HTR1F: variants seen among roughly 807,000 people sequenced by gnomAD.
The protein encoded by HTR1F is 5-hydroxytryptamine (serotonin) receptor 1F, G protein-coupled.
HTR1F carries 17 observed loss-of-function variants against 24.0 expected under a neutral mutation model. The ratio of observed to expected loss-of-function variants is 0.71; its 90% CI spans 0.48 to 1.06. The LOEUF is 1.06. Among genes scored for constraint, HTR1F ranks in the 50% least tolerant of loss-of-function variants. The pLI is 0.00. For synonymous variants in HTR1F, 186 were observed against 156.8 expected (o/e 1.19, Z -1.39); for missense variants, 391 against 427.8 (o/e 0.91, Z 0.76).
At chr3:87,939,108 A>G (rs988935815) in intron 2 of HTR1F, among the ~76,000 whole-genome samples, 9 of 151,988 alleles carry the variant, frequency 5.9e-5, no homozygotes, top group Admixed American at 2.6e-4. Flanking sequence ...AAAAGTGGGC[A>G]TTTCTGCATC....
chr3:87,963,382 T>C (rs191487228), intron 2 of HTR1F, among the ~76,000 whole-genome samples: 41 of 152,226 alleles, frequency 2.7e-4, no homozygotes, highest in African/African-American at 9.9e-4. Flanking sequence ...CTTATATTAG[T>C]CAAGAAGAAG....
At chr3:87,925,892 A>T (rs1243713406) in intron 2 of HTR1F, among the ~76,000 whole-genome samples, 2 of 152,084 alleles carry the variant, frequency 1.3e-5, no homozygotes, top group African/African-American at 4.8e-5. Flanking sequence ...AGGCTGTGTT[A>T]CTTCTTGCTG....
In HTR1F at chr3:87,993,576, A is replaced by G. The variant is rs1339421941; in HGVS notation, c.*1726A>G. On this transcript the variant is annotated 3_prime_UTR_variant, in exon 3 of 3. Transcript: ENST00000319595. ...AGCACTGGGGCAAGAAAAATGGAAGAGCACACTCCAGGTTGTGACAACATC... is the reference window on the plus strand; with the variant it reads ...AGCACTGGGGCAAGAAAAATGGAAGGGCACACTCCAGGTTGTGACAACATC... 2 of 167,046 alleles carry G rather than the reference A, an allele frequency of 1.2e-5. No homozygotes were observed. Among genetic ancestry groups the G allele is most frequent in the African/African-American group, 4.8e-5 (2 of 41,444 alleles). The allele number at this position is 167,046 out of a possible 1,614,324, so 10.3% of individuals were successfully genotyped here.
At chr3:87,934,363 T>C (rs955324072) in intron 2 of HTR1F, among the ~76,000 whole-genome samples, 2 of 152,174 alleles carry the variant, frequency 1.3e-5, no homozygotes, top group Non-Finnish European at 2.9e-5. Context: ...TCTGTCCCCA[T>C]TCCAACAGTC....
chr3:87,968,028 T>C (rs188728446), intron 2 of HTR1F, among the ~76,000 whole-genome samples: 35 of 152,248 alleles, frequency 2.3e-4, no homozygotes, highest in Non-Finnish European at 4.3e-4. Context: ...AAAATGCTGA[T>C]AGTAATTTAG....
At position 87,960,552 on chromosome 3, in the gene HTR1F, T is replaced by A. The variant is rs117645922; in HGVS notation, c.-42-30156T>A. On this transcript the variant is annotated intron_variant, in intron 2 of 2. Transcript: ENST00000319595. ...AGTTGTGCTATTTTAACTGATTATG[T>A]GACAATAAACAAATAACTAGACCAT... 1.4e-3 allele frequency among the ~76,000 whole-genome samples: 219 copies of A among 152,068 alleles called. 5 individuals carry two copies. The East Asian group carries it at 0.04, about 28-fold the overall frequency.
rs1380976730 is a variant in HTR1F, at chr3:87,792,718, G to C, written c.-284G>C. 6.6e-6 allele frequency among the ~76,000 whole-genome samples: 1 copy of C among 152,204 alleles called. No homozygotes were observed. Among genetic ancestry groups the C allele is most frequent in the Non-Finnish European group, 1.5e-5 (1 of 68,040 alleles). ...ACTTCCCCAGCGCGCAGTCAGCGTCGCGGCCCCGAAAGCTGGCGACAGGCG... is the reference window on the plus strand; with the variant it reads ...ACTTCCCCAGCGCGCAGTCAGCGTCCCGGCCCCGAAAGCTGGCGACAGGCG... On this transcript the variant is annotated 5_prime_UTR_variant, in exon 1 of 3. Coordinates refer to ENST00000319595, the MANE Select transcript of HTR1F (RefSeq NM_001322209.2).
At chr3:87,804,670 T>G (rs1333057830) in intron 1 of HTR1F, among the ~76,000 whole-genome samples, 1 of 152,136 alleles carries the variant, frequency 6.6e-6, no homozygotes, top group African/African-American at 2.4e-5. Context: ...TATAGATGTT[T>G]ATTCTTCCAA....
chr3:87,919,590 T>C (rs1192458858), intron 2 of HTR1F, among the ~76,000 whole-genome samples: 3 of 151,910 alleles, frequency 2.0e-5, no homozygotes, highest in African/African-American at 4.8e-5. Flanking sequence ...AAAGAAGATA[T>C]ACAAATGACC....
At chr3:87,980,057 GCA>G (rs1705508639) in intron 2 of HTR1F, among the ~76,000 whole-genome samples, 1 of 152,212 alleles carries the variant, frequency 6.6e-6, no homozygotes, top group Non-Finnish European at 1.5e-5. Context: ...ACTGTGGCAA[GCA>G]GCAGGGTGTG....
intron 1 of HTR1F, among the ~76,000 whole-genome samples, chr3:87,814,399 TA>T (rs1249754397): frequency 6.6e-6 from 1 of 152,170 alleles, no homozygotes; most frequent in Non-Finnish European, 1.5e-5. Context: ...TAAGAACTCT[TA>T]AAATCTCTCT....
intron 2 of HTR1F, among the ~76,000 whole-genome samples, chr3:87,932,162 G>A (rs1028282014): frequency 3.9e-5 from 6 of 152,076 alleles, no homozygotes; most frequent in African/African-American, 1.4e-4. Context: ...TTCTTCTAGG[G>A]TTTTTATGGT....
chr3:87,942,484 C>T (rs1388413459), intron 2 of HTR1F, among the ~76,000 whole-genome samples: 1 of 151,522 alleles, frequency 6.6e-6, no homozygotes, highest in Non-Finnish European at 1.5e-5. Flanking sequence ...CTCAGTCCTG[C>T]TGCTGGATCA....
chr3:87,859,222 A>G (rs1705265916), intron 2 of HTR1F, among the ~76,000 whole-genome samples: 1 of 152,212 alleles, frequency 6.6e-6, no homozygotes, highest in Admixed American at 6.5e-5. Flanking sequence ...AAAACAAACT[A>G]AAAAAGAGAA....
intron 1 of HTR1F, among the ~76,000 whole-genome samples, chr3:87,817,491 T>C (rs187636257): frequency 3.1e-4 from 47 of 152,268 alleles, no homozygotes; most frequent in Non-Finnish European, 5.9e-5. Context: ...ACATCCCCAT[T>C]GCAAAATTCC....
chr3:87,987,747 A>ATT (rs1381479472), intron 2 of HTR1F, among the ~76,000 whole-genome samples: 6 of 137,646 alleles, frequency 4.4e-5, no homozygotes, highest in East Asian at 2.0e-4. Flanking sequence ...TATATATAAA[A>ATT]TATATGTATT....
chr3:87,800,390 T>A (rs1281127971), intron 1 of HTR1F, among the ~76,000 whole-genome samples: 2 of 152,204 alleles, frequency 1.3e-5, no homozygotes, highest in Non-Finnish European at 2.9e-5. Flanking sequence ...TGAATATCCT[T>A]CCTTCCACCT....
chr3:87,985,722 A>G (rs2107519777), intron 2 of HTR1F, among the ~76,000 whole-genome samples: 1 of 152,346 alleles, frequency 6.6e-6, no homozygotes, highest in Non-Finnish European at 1.5e-5. Context: ...TCACAATGTT[A>G]TTATAAAAAC....
At chr3:87,856,242 T>A (rs935767742) in intron 2 of HTR1F, among the ~76,000 whole-genome samples, 1 of 151,994 alleles carries the variant, frequency 6.6e-6, no homozygotes, top group Admixed American at 6.6e-5. Flanking sequence ...ATTTTTAGGG[T>A]TTAGTACTAT....
Sources: gnomAD v4.1 joint callset for allele counts (sites outside exome capture counted in the v4.1 genomes callset) on GRCh38, gnomAD v4.1.1 for gene constraint, MANE v1.5 for transcripts, NCBI Gene and HGNC (gene_info 2026-07-23, HGNC 2026-07-21) for gene names.